LRP2: variants seen among roughly 807,000 people sequenced by gnomAD.
The protein encoded by LRP2 is low-density lipoprotein receptor-related protein 2.
LRP2 carries 172 observed loss-of-function variants against 531.0 expected under a neutral mutation model. That is an observed-to-expected ratio of 0.32 (90% CI 0.29 to 0.37). The LOEUF is 0.37. LRP2 is among the 10% of genes least tolerant of loss of function. LRP2 has a pLI of 1.00. For synonymous variants in LRP2, 1,992 were observed against 2,027.6 expected, an observed-to-expected ratio of 0.98 and a Z score of 0.47; for missense variants, 5,167 against 5,868.3, an observed-to-expected ratio of 0.88 and a Z score of 3.90.
At chr2:169,270,440 G>A (rs971497024) in intron 16 of LRP2, among the ~76,000 whole-genome samples, 1 of 152,094 alleles carries the variant, frequency 6.6e-6, no homozygotes, top group Non-Finnish European at 1.5e-5. Flanking sequence ...AAAAGGATGA[G>A]TTCATGTTCT....
In LRP2 at chr2:169,146,844, T is replaced by C. The variant is rs1028131862; in HGVS notation, c.12706A>G (p.Ile4236Val). ...ATTCGGTCATTGTTCAAATAATCGA[T>C]AGAAAGGCCAGTTGGCCAACCAAGG... ...EDLGWPTGLS[I>V]DYLNNDRIYW... The change falls in exon 69 of 79, where the codon ATC (isoleucine) becomes GTC (valine). Residue 4236 changes from isoleucine to valine, a missense_variant. This residue lies in a region of LRP2 where 564 missense variants were observed against 747.7 expected (regional missense o/e 0.75). Coordinates refer to ENST00000649046, the MANE Select transcript of LRP2 (RefSeq NM_004525.3). The C allele has an allele frequency of 1.9e-6, 3 of 1,614,192 alleles. No homozygotes were observed. Among genetic ancestry groups the C allele is most frequent in the South Asian group, 1.1e-5 (1 of 91,076 alleles).
chr2:169,135,218 T>C (rs550937376), intron 76 of LRP2, among the ~76,000 whole-genome samples: 1 of 152,326 alleles, frequency 6.6e-6, no homozygotes, highest in South Asian at 2.1e-4. Context: ...CAGTGTTCCA[T>C]CTGCTATTCT....
In LRP2 at chr2:169,188,256, C is replaced by T. The variant is rs376861800; in HGVS notation, c.9042G>A (p.Arg3014=). The T allele has an allele frequency of 3.9e-5, 63 of 1,613,956 alleles. No individual in the cohort carries two copies. The highest frequency in any genetic ancestry group is 5.0e-5 in the Non-Finnish European group (59 of 1,180,006). The part of the protein sequence containing the change: ...LCIPKIFRCD[R]HNDCGDYSDE... Reference sequence around the variant, plus strand: ...CGCTATAGTCACCACAGTCATTGTGCCGGTCACACCTGTATCATGAGATCC... The same window carrying T: ...CGCTATAGTCACCACAGTCATTGTGTCGGTCACACCTGTATCATGAGATCC... The change falls in exon 49 of 79, where the codon CGG becomes CGA. Residue 3014 remains arginine, a synonymous_variant. Coordinates refer to ENST00000649046, the MANE Select transcript of LRP2 (RefSeq NM_004525.3).
At chr2:169,136,449 C>T (rs906675386) in intron 76 of LRP2, among the ~76,000 whole-genome samples, 3 of 152,182 alleles carry the variant, frequency 2.0e-5, no homozygotes, top group African/African-American at 4.8e-5. Flanking sequence ...TGCATGTATA[C>T]ACCCAGATGG....
At chr2:169,203,066 A>G (rs1018138265) in intron 42 of LRP2, 107 bp from the exon 43 acceptor site, 4 of 885,106 alleles carry the variant, frequency 4.5e-6, no homozygotes, top group African/African-American at 3.3e-5. Flanking sequence ...ATGCTCCCTA[A>G]GAAGCGCCAT....
intron 27 of LRP2, 140 bp downstream of exon 27, chr2:169,237,951 T>A: frequency 1.3e-6 from 1 of 742,828 alleles, no homozygotes; most frequent in African/African-American, 1.7e-5. Context: ...AACACGCAAG[T>A]CTCTTGGGTA....
rs765191668 is a variant in LRP2, at chr2:169,201,673, C to T, written c.8407G>A (p.Val2803Ile). 2 of 1,614,154 alleles carry T rather than the reference C, an allele frequency of 1.2e-6. No homozygotes were observed. Among genetic ancestry groups the T allele is most frequent in the East Asian group, 2.2e-5 (1 of 44,888 alleles). Residue 2803 changes from valine to isoleucine, a missense_variant, in exon 44 of 79, where the codon GTA (valine) becomes ATA (isoleucine). Around this residue, in one of 6 missense-constraint regions of LRP2, gnomAD observed 1,129 missense variants for 1,362.7 expected, o/e 0.83. Coordinates refer to ENST00000649046, the MANE Select transcript of LRP2 (RefSeq NM_004525.3). The stretch of plus-strand genomic sequence containing the variant: ...GTGTTATTATCATGGCAGTTGTCTA[C>T]ACCATTGCAGATAAACTCACGAGGT... ...CIPREFICNG[V>I]DNCHDNNTSD...
chr2:169,342,585 A>G (rs1474403168), intron 1 of LRP2, among the ~76,000 whole-genome samples: 2 of 152,192 alleles, frequency 1.3e-5, no homozygotes, highest in Non-Finnish European at 2.9e-5. Context: ...AATCCTCCAC[A>G]GTCCACTCTC....
chr2:169,353,614 G>C (rs1297482589), intron 1 of LRP2, among the ~76,000 whole-genome samples: 2 of 152,174 alleles, frequency 1.3e-5, no homozygotes, highest in Non-Finnish European at 2.9e-5. Flanking sequence ...CCCTTCTAGT[G>C]AGATTAAAAT....
chr2:169,145,582 T>A (rs1368340427), intron 70 of LRP2, among the ~76,000 whole-genome samples, 165 bp downstream of exon 70: 2 of 152,216 alleles, frequency 1.3e-5, no homozygotes, highest in Non-Finnish European at 2.9e-5. Flanking sequence ...TGAAAATGGT[T>A]AAAACGTTCC....
Position 169,128,481 on chromosome 2 carries a change from TTA to T in LRP2, c.*180_*181del. 1 of 600,822 alleles carries T rather than the reference TTA, an allele frequency of 1.7e-6. No individual in the cohort carries two copies. The highest frequency in any genetic ancestry group is 2.9e-6 in the Non-Finnish European group (1 of 341,540). 37.2% of individuals were successfully genotyped at this position (600,822 alleles called of 1,614,324 possible). A position where few individuals can be genotyped will look rare whatever the true frequency, so the allele number is the denominator to read the frequency against. The stretch of plus-strand genomic sequence containing the variant: ...ATATACATATAGTACATTGTGATAA[TTA>T]TTTGTAAAAATATGAGACGGCATAA... On this transcript the variant is annotated 3_prime_UTR_variant, in exon 79 of 79. Transcript: ENST00000649046.
rs771971554 is a variant in LRP2, at chr2:169,275,173, T to G, written c.1838A>C (p.Gln613Pro). Residue 613 changes from glutamine to proline, a missense_variant, in exon 14 of 79, where the codon CAG (glutamine) becomes CCG (proline). Gln to Pro is a moderately conservative substitution (Grantham distance 76). Transcript: ENST00000649046. The part of the protein sequence containing the change: ...HPFGVSLFEG[Q>P]VFFTDWTKMA... ...CTTTGTCCAATCTGTAAAGAACACCTGACCTTCAAATAAGCTTACTCCAAA... is the reference window on the plus strand; with the variant it reads ...CTTTGTCCAATCTGTAAAGAACACCGGACCTTCAAATAAGCTTACTCCAAA... 1 of 1,613,852 alleles carries G rather than the reference T, an allele frequency of 6.2e-7. No homozygotes were observed. Among genetic ancestry groups the G allele is most frequent in the East Asian group, 2.2e-5 (1 of 44,856 alleles).
intron 4 of LRP2, among the ~76,000 whole-genome samples, chr2:169,295,117 A>G (rs1007987924): frequency 2.6e-5 from 4 of 152,198 alleles, no homozygotes; most frequent in African/African-American, 9.6e-5. Flanking sequence ...CAGGAAACTA[A>G]AGTACCACTG....
chr2:169,160,690 A>AAAC (rs1553487435), intron 63 of LRP2, among the ~76,000 whole-genome samples: 7 of 147,086 alleles, frequency 4.8e-5, no homozygotes, highest in Admixed American at 6.8e-5. Context: ...CTTAAAAAAA[A>AAAC]AAAAACCTGC....
At chr2:169,230,499 A>G (rs1044863057) in intron 31 of LRP2, among the ~76,000 whole-genome samples, 3 of 152,242 alleles carry the variant, frequency 2.0e-5, no homozygotes, top group Admixed American at 6.5e-5. Context: ...ATTCTAGATT[A>G]GGACTAAATT....
chr2:169,310,234 GC>G (rs1684554724), intron 3 of LRP2, among the ~76,000 whole-genome samples: 1 of 152,166 alleles, frequency 6.6e-6, no homozygotes, highest in Non-Finnish European at 1.5e-5. Context: ...CTGCCTGATT[GC>G]CCTGGCCAGA....
chr2:169,174,828 C>G (rs1687129220), intron 55 of LRP2, among the ~76,000 whole-genome samples: 1 of 76,798 alleles, frequency 1.3e-5, no homozygotes, highest in Non-Finnish European at 3.2e-5. Context: ...TTTTTTTTGC[C>G]TTTTAAATGG....
At chr2:169,257,824 AC>A (rs146546686) in intron 17 of LRP2, among the ~76,000 whole-genome samples, 78 of 110,882 alleles carry the variant, frequency 7.0e-4, no homozygotes, top group South Asian at 2.8e-3. Context: ...AAAAACAAAA[AC>A]AAAAAAAAAA....
intron 1 of LRP2, among the ~76,000 whole-genome samples, chr2:169,328,225 CCGGG>C (rs1685164311): frequency 5.8e-5 from 7 of 121,200 alleles, no homozygotes; most frequent in Non-Finnish European, 1.3e-4. Context: ...GCCGCCCCGT[CCGGG>C]AGGGAGGTGG....
Sources: allele counts gnomAD v4.1 joint callset (sites outside exome capture counted in the v4.1 genomes callset), GRCh38; gene constraint gnomAD v4.1.1; regional missense constraint gnomAD v4.1.1; transcripts MANE v1.5; gene names NCBI Gene and HGNC (gene_info 2026-07-23, HGNC 2026-07-21).